HHIPL1: variants seen among roughly 807,000 people sequenced by gnomAD.
The protein encoded by HHIPL1 is HHIP-like protein 1.
A neutral mutation model predicts 61.8 loss-of-function variants in HHIPL1; 43 were observed. That is an observed-to-expected ratio of 0.70 (90% confidence interval 0.55 to 0.90). The LOEUF (loss-of-function observed/expected upper bound fraction) is 0.90, where lower values mean the gene tolerates loss of function less well. Ranked by LOEUF, HHIPL1 falls within the 40% of genes least tolerant of loss-of-function variation. HHIPL1 has a pLI of 0.00. For missense variants in HHIPL1, 1,056 were observed against 1,157.7 expected, an observed-to-expected ratio of 0.91 and a Z score of 1.28; for synonymous variants, 482 against 515.8, an observed-to-expected ratio of 0.93 and a Z score of 0.89.
upstream of HHIPL1, chr14:99,645,107 T>G: frequency 2.0e-5 from 21 of 1,051,358 alleles, no homozygotes; most frequent in Non-Finnish European, 2.3e-5. Context: ...AGGCCCTGCG[T>G]GTAGGGAAGG....
At chr14:99,639,906 C>T in the HHIPL1 span, among the ~76,000 whole-genome samples, 6 of 151,728 alleles carry the variant, frequency 4.0e-5, no homozygotes, top group Admixed American at 3.9e-4. Flanking sequence ...GTGATCCTCC[C>T]ACATCGGCCT....
At chr14:99,649,773 A>T (rs1223247939) in intron 1 of HHIPL1, among the ~76,000 whole-genome samples, 1 of 152,216 alleles carries the variant, frequency 6.6e-6, no homozygotes, top group Non-Finnish European at 1.5e-5. Flanking sequence ...TCTAGCCTGG[A>T]TGACAGAGAG....
intron 2 of HHIPL1, among the ~76,000 whole-genome samples, chr14:99,656,788 A>T: frequency 5.1e-4 from 1 of 1,952 alleles, no homozygotes; most frequent in Non-Finnish European, 0.012. Flanking sequence ...AAAGAAAAGA[A>T]AAGAAAGAAA....
At chr14:99,657,557 G>C (rs1198116611) in intron 3 of HHIPL1, among the ~76,000 whole-genome samples, 1 of 152,136 alleles carries the variant, frequency 6.6e-6, no homozygotes, top group Admixed American at 6.5e-5. Flanking sequence ...GCTGGAGCAG[G>C]GTGGCAACAG....
At chr14:99,621,563 G>A in the HHIPL1 span, among the ~76,000 whole-genome samples, 1 of 152,134 alleles carries the variant, frequency 6.6e-6, no homozygotes, top group African/African-American at 2.4e-5. Flanking sequence ...GGCACTGGCT[G>A]ACTCCTCCCA....
intron 5 of HHIPL1, among the ~76,000 whole-genome samples, chr14:99,662,134 A>G (rs1241152907): frequency 6.6e-6 from 1 of 152,160 alleles, no homozygotes; most frequent in African/African-American, 2.4e-5. Flanking sequence ...GGGTCAGGCA[A>G]GAACCAGGAT....
At position 99,675,228 on chromosome 14, in the gene HHIPL1, C is replaced by T. The variant is rs917387315; in HGVS notation, c.1951C>T (p.Arg651Trp). The T allele has an allele frequency of 5.8e-6, 7 of 1,202,924 alleles. No individual in the cohort carries two copies. The African/African-American group carries it at 8.0e-5, about 14-fold the overall frequency. 74.5% of individuals were successfully genotyped at this position (1,202,924 alleles called of 1,614,324 possible). A position where few individuals can be genotyped will look rare whatever the true frequency, so the allele number is the denominator to read the frequency against. Residue 651 changes from arginine to tryptophan, a missense_variant, in exon 9 of 9, where the codon CGG becomes TGG. Coordinates refer to ENST00000330710, the MANE Select transcript of HHIPL1 (RefSeq NM_001127258.3). The surrounding 1 kb of genome is among the most constrained non-coding windows in gnomAD (Gnocchi z 5.4). Reference sequence around the variant, plus strand: ...GCGGCCCACCCAGCAGCCAGGGAGCCGGAGGGGCGGCGGGCGGCGGCGGGG... The same window carrying T: ...GCGGCCCACCCAGCAGCCAGGGAGCTGGAGGGGCGGCGGGCGGCGGCGGGG... ...PARPTQQPGS[R>W]RGGGRRRGRL...
the HHIPL1 span, among the ~76,000 whole-genome samples, chr14:99,622,048 G>A: frequency 4.6e-5 from 7 of 151,786 alleles, no homozygotes; most frequent in Non-Finnish European, 1.0e-4. Flanking sequence ...TTCAGGAGGC[G>A]GGGGAAAAAG....
chr14:99,615,598 G>T, the HHIPL1 span, among the ~76,000 whole-genome samples: 1 of 149,638 alleles, frequency 6.7e-6, no homozygotes, highest in Non-Finnish European at 1.5e-5. Flanking sequence ...AAGAAAGAGA[G>T]AGAGAGGAAA....
chr14:99,662,444 C>T (rs111410524), intron 5 of HHIPL1, among the ~76,000 whole-genome samples: 76 of 152,302 alleles, frequency 5.0e-4, no homozygotes, highest in African/African-American at 1.8e-3. Flanking sequence ...TCTGTAGGAT[C>T]CAGTGGGCTG....
chr14:99,659,060 C>T (rs964068271), intron 3 of HHIPL1, among the ~76,000 whole-genome samples: 1 of 152,112 alleles, frequency 6.6e-6, no homozygotes, highest in African/African-American at 2.4e-5. Flanking sequence ...CCCAGCGGTG[C>T]GGCAACTGGG....
upstream of HHIPL1, among the ~76,000 whole-genome samples, chr14:99,640,925 C>G (rs1404137141): frequency 8.2e-6 from 1 of 121,878 alleles, no homozygotes; most frequent in Non-Finnish European, 1.6e-5. Context: ...ATCTCTCTCT[C>G]GCCCAGGCTG....
At position 99,668,662 on chromosome 14, in the gene HHIPL1, C is replaced by G. The variant is rs1023259234; in HGVS notation, c.1730+359C>G. Among the ~76,000 whole-genome samples, 5 of 150,864 alleles carry G rather than the reference C, an allele frequency of 3.3e-5. No homozygotes were observed. Among genetic ancestry groups the G allele is most frequent in the African/African-American group, 1.2e-4 (5 of 41,032 alleles). ...TTCCTCATTTCCTGGGCTGCCCCTGCACCCCCACACCCCAGCCCCCAATTT... is the reference window on the plus strand; with the variant it reads ...TTCCTCATTTCCTGGGCTGCCCCTGGACCCCCACACCCCAGCCCCCAATTT... On this transcript the variant is annotated intron_variant, in intron 7 of 8. Transcript: ENST00000330710. This position sits in a 1 kb window ranked among gnomAD's most constrained non-coding sequence, Gnocchi z 4.7.
At chr14:99,635,074 G>T in the HHIPL1 span, among the ~76,000 whole-genome samples, 1 of 152,164 alleles carries the variant, frequency 6.6e-6, no homozygotes, top group Non-Finnish European at 1.5e-5. Context: ...GACCCAGAAA[G>T]GATCTAGTGG....
chr14:99,667,827 T>G (rs765280077), intron 6 of HHIPL1, among the ~76,000 whole-genome samples: 18 of 152,056 alleles, frequency 1.2e-4, no homozygotes, highest in Non-Finnish European at 2.6e-4. Context: ...TGCCTGCGGG[T>G]CCCCTGGAAG....
the HHIPL1 span, among the ~76,000 whole-genome samples, chr14:99,618,253 T>C: frequency 2.0e-5 from 3 of 152,318 alleles, no homozygotes; most frequent in East Asian, 5.8e-4. Flanking sequence ...CTTGGCATCC[T>C]GGGAATCCCA....
chr14:99,680,400 G>A lies in HHIPL1; in HGVS notation c.*4774G>A, dbSNP rs141378466. 5.3e-5 allele frequency: 8 copies of A among 152,282 alleles called. No homozygotes were observed. In the East Asian group the frequency reaches 1.5e-3, roughly 29 times the overall value. 9.4% of individuals were successfully genotyped at this position (152,282 alleles called of 1,614,324 possible). Reference sequence around the variant, plus strand: ...CTCTCAGAGTTTTTGACTCAGTCTTGGTTGAGAATTTTCAGTTCTAGAAGC... The same window carrying A: ...CTCTCAGAGTTTTTGACTCAGTCTTAGTTGAGAATTTTCAGTTCTAGAAGC... On this transcript the variant is annotated 3_prime_UTR_variant, in exon 9 of 9. Transcript: ENST00000330710.
the HHIPL1 span, among the ~76,000 whole-genome samples, chr14:99,609,741 G>A: frequency 2.0e-5 from 3 of 152,226 alleles, no homozygotes; most frequent in Non-Finnish European, 4.4e-5. Context: ...GCACCTTTCT[G>A]GAGCTCAGGA....
the HHIPL1 span, chr14:99,604,566 G>A: frequency 6.6e-6 from 1 of 152,166 alleles, no homozygotes; most frequent in Non-Finnish European, 1.5e-5. Context: ...TGCGCCCGGA[G>A]GACGCGGCCT....
Sources: allele counts gnomAD v4.1 joint callset (sites outside exome capture counted in the v4.1 genomes callset), GRCh38; gene constraint gnomAD v4.1.1; non-coding constraint Gnocchi (gnomAD v3.1); transcripts MANE v1.5; gene names NCBI Gene and HGNC (gene_info 2026-07-23, HGNC 2026-07-21).